Variants in TUBGCP5 observed in about 807,000 individuals in gnomAD.
TUBGCP5 encodes the protein tubulin gamma complex component 5.
TUBGCP5 carries 98 observed loss-of-function variants against 134.7 expected under a neutral mutation model. The ratio of observed to expected loss-of-function variants is 0.73; its 90% CI spans 0.62 to 0.86. TUBGCP5 has a LOEUF of 0.86. TUBGCP5 is among the 40% of genes least tolerant of loss of function. The probability of loss-of-function intolerance (pLI) is 0.00; values close to 1 mark genes in which losing one functional copy is unlikely to be tolerated. For synonymous variants in TUBGCP5, 456 were observed against 431.4 expected (o/e 1.06, Z -0.71); for missense variants, 1,150 against 1,244.8 (o/e 0.92, Z 1.15).
rs747665762 is a variant in TUBGCP5 at position 23,017,864 on chromosome 15, G to C, written c.1665C>G (p.Val555=). The C allele has an allele frequency of 6.2e-7, 1 of 1,614,114 alleles. No homozygotes were observed. The highest frequency in any genetic ancestry group is 8.5e-7 in the Non-Finnish European group (1 of 1,179,978). ...QHTMVSFLKP[V]LKQIIMAGKS... ...TGCCAGCCATTATGATCTGCTTCAG[G>C]ACAGGTTTGAGGAAGGACACCATGG... Residue 555 remains valine (V), a synonymous_variant, in exon 13 of 23, where the codon GTC becomes GTG. Coordinates refer to ENST00000615383, the MANE Select transcript of TUBGCP5 (RefSeq NM_052903.6).
At chr15:23,035,463 T>C (rs1055200324) in intron 3 of TUBGCP5, among the ~76,000 whole-genome samples, 1 of 151,934 alleles carries the variant, frequency 6.6e-6, no homozygotes, top group South Asian at 2.1e-4. Flanking sequence ...GTTTCAAGGA[T>C]GAAACTGTTC....
chr15:23,001,609 C>T (rs1392879264), intron 21 of TUBGCP5, among the ~76,000 whole-genome samples: 1 of 151,996 alleles, frequency 6.6e-6, no homozygotes, highest in Non-Finnish European at 1.5e-5. Flanking sequence ...TCTCAAAGCA[C>T]TGGGATTACA....
At chr15:23,033,875 C>G (rs2066444888) in intron 3 of TUBGCP5, among the ~76,000 whole-genome samples, 1 of 152,148 alleles carries the variant, frequency 6.6e-6, no homozygotes, top group African/African-American at 2.4e-5. Context: ...TTACTCTCCT[C>G]TGTTCAAGTT....
At chr15:23,001,734 A>G (rs775061953) in intron 21 of TUBGCP5, among the ~76,000 whole-genome samples, 21 of 151,798 alleles carry the variant, frequency 1.4e-4, no homozygotes, top group Admixed American at 7.2e-4. Context: ...CTGCCCAGCC[A>G]TGGCAGGTGC....
chr15:23,027,444 T>C (rs947802395), intron 6 of TUBGCP5, 138 bp from the exon 7 acceptor site: 17 of 693,752 alleles, frequency 2.5e-5, no homozygotes, highest in African/African-American at 2.0e-4. Flanking sequence ...TTTATGTATA[T>C]ATGATTATTT....
chr15:23,000,741 G>C (rs1420141591), intron 21 of TUBGCP5, 72 bp from the exon 22 acceptor site: 1 of 1,117,010 alleles, frequency 9.0e-7, no homozygotes, highest in Non-Finnish European at 1.3e-6. Context: ...GATATCTGTG[G>C]AGTAATTTCA....
At chr15:23,032,860 T>C (rs753001580) in intron 3 of TUBGCP5, 36 bp from the exon 4 acceptor site, 5 of 1,457,058 alleles carry the variant, frequency 3.4e-6, no homozygotes, top group Middle Eastern at 1.8e-4. Flanking sequence ...ATCTCTGAGG[T>C]TGGGAAATGC....
chr15:22,998,872 C>T (rs2064216410), downstream of TUBGCP5, among the ~76,000 whole-genome samples: 1 of 152,150 alleles, frequency 6.6e-6, no homozygotes, highest in Non-Finnish European at 1.5e-5. Flanking sequence ...CCACCTCGGC[C>T]TCCCAAAGTG....
At position 23,005,350 on chromosome 15, in the gene TUBGCP5, T is replaced by G. The variant is rs537642827; in HGVS notation, c.2712+82A>C. 9 of 1,478,020 alleles carry G rather than the reference T, an allele frequency of 6.1e-6. No individual in the cohort carries two copies. In the Admixed American group the frequency reaches 1.9e-4, roughly 31 times the overall value. The allele number at this position is 1,478,020 out of a possible 1,614,324, so 91.6% of individuals were successfully genotyped here. ...TCACAGTCTGTAGGTATTTTTTACT[T>G]ATAAACATAGTATGAGTAATTCTCT... On this transcript the variant is annotated intron_variant, in intron 19 of 22. Coordinates refer to ENST00000615383, the MANE Select transcript of TUBGCP5 (RefSeq NM_052903.6).
At chr15:23,035,515 C>T (rs2066541296) in intron 3 of TUBGCP5, among the ~76,000 whole-genome samples, 1 of 151,962 alleles carries the variant, frequency 6.6e-6, no homozygotes, top group African/African-American at 2.4e-5. Context: ...AAGGAGCATG[C>T]AACCTAGATC....
intron 2 of TUBGCP5, 43 bp from the exon 3 acceptor site, chr15:23,037,048 T>C: frequency 6.3e-7 from 1 of 1,596,052 alleles, no homozygotes; most frequent in African/African-American, 1.3e-5. Context: ...TAAAAAGATC[T>C]ATAAGAAAAT....
At chr15:23,002,234 A>G (rs1205679367) in intron 21 of TUBGCP5, among the ~76,000 whole-genome samples, 2 of 152,116 alleles carry the variant, frequency 1.3e-5, no homozygotes, top group Non-Finnish European at 2.9e-5. Flanking sequence ...CCCTGCAGCT[A>G]TGGCTTCATC....
chr15:22,990,493 C>A (rs1182744148), intron 23 of TUBGCP5, among the ~76,000 whole-genome samples: 1 of 152,162 alleles, frequency 6.6e-6, no homozygotes, highest in Non-Finnish European at 1.5e-5. Context: ...GCAGAAGTAA[C>A]AGGTAGAAAA....
chr15:22,998,142 C>T (rs1482208964), downstream of TUBGCP5, among the ~76,000 whole-genome samples: 4 of 151,824 alleles, frequency 2.6e-5, no homozygotes, highest in African/African-American at 9.7e-5. Flanking sequence ...AGGTGAAACC[C>T]TGTCTCTACT....
rs1174427523 is a variant in TUBGCP5, at chr15:23,013,678, T to G, written c.1757-2347A>C. On this transcript the variant is annotated intron_variant, in intron 13 of 22. Coordinates refer to ENST00000615383, the MANE Select transcript of TUBGCP5 (RefSeq NM_052903.6). This position sits in a 1 kb window ranked among gnomAD's most constrained non-coding sequence, Gnocchi z 4.5. ...ACCTACAGTCATTACTACAGGAGGA[T>G]TCCACAGTTCCCACGAGCTCTGAGC... Among the ~76,000 whole-genome samples the G allele has an allele frequency of 6.6e-6, 1 of 152,050 alleles. No individual in the cohort carries two copies. The highest frequency in any genetic ancestry group is 1.9e-4 in the East Asian group (1 of 5,170).
intron 23 of TUBGCP5, among the ~76,000 whole-genome samples, chr15:22,994,128 G>A (rs1484400300): frequency 6.6e-6 from 1 of 151,780 alleles, no homozygotes; most frequent in East Asian, 1.9e-4. Context: ...TGCTCTTGTT[G>A]CCCAGGCTGC....
At chr15:22,988,861 G>A (rs1404555829) in intron 23 of TUBGCP5, among the ~76,000 whole-genome samples, 1 of 151,984 alleles carries the variant, frequency 6.6e-6, no homozygotes, top group African/African-American at 2.4e-5. Context: ...CCGATTCCCT[G>A]GTTCAAGCGA....
intron 21 of TUBGCP5, 86 bp from the exon 22 acceptor site, chr15:23,000,755 G>A (rs2064325983): frequency 2.0e-6 from 2 of 1,008,006 alleles, no homozygotes; most frequent in Non-Finnish European, 2.8e-6. Flanking sequence ...AATTTCAAAT[G>A]TATTTTGGTT....
intron 13 of TUBGCP5, 112 bp downstream of exon 13, chr15:23,017,661 A>C: frequency 9.5e-7 from 1 of 1,056,002 alleles, no homozygotes; most frequent in East Asian, 2.7e-5. Context: ...CCACCGAAAT[A>C]AGAGGGTTTG....
Sources: allele counts gnomAD v4.1 joint callset (sites outside exome capture counted in the v4.1 genomes callset), GRCh38; gene constraint gnomAD v4.1.1; non-coding constraint Gnocchi (gnomAD v3.1); transcripts MANE v1.5; gene names NCBI Gene and HGNC (gene_info 2026-07-23, HGNC 2026-07-21).